FLNB: variants seen among roughly 807,000 people sequenced by gnomAD.
FLNB encodes filamin-B.
In FLNB, 111 loss-of-function variants were observed where a neutral mutation model predicts 250.6. That is an observed-to-expected ratio of 0.44 (90% CI 0.38 to 0.52). The LOEUF is 0.52. FLNB is among the 20% of genes least tolerant of loss of function. FLNB has a pLI of 0.00. For missense variants in FLNB, 2,869 were observed against 3,447.8 expected (o/e 0.83, Z 4.20); for synonymous variants, 1,302 against 1,372.1 (o/e 0.95, Z 1.13).
chr3:58,155,902 C>G (rs577189429), intron 40 of FLNB, 58 bp from the exon 41 acceptor site: 12 of 1,226,438 alleles, frequency 9.8e-6, no homozygotes, highest in Non-Finnish European at 1.4e-5. Context: ...TGGTGAGAAG[C>G]AAGAGTCCAC....
At chr3:58,015,249 A>ATT (rs1386104054) in intron 1 of FLNB, among the ~76,000 whole-genome samples, 1 of 152,208 alleles carries the variant, frequency 6.6e-6, no homozygotes, top group Admixed American at 6.5e-5. Context: ...TGCTGGGAGC[A>ATT]TTATATTTGA....
At chr3:58,034,433 C>T (rs1046469448) in intron 1 of FLNB, among the ~76,000 whole-genome samples, 6 of 148,388 alleles carry the variant, frequency 4.0e-5, no homozygotes, top group African/African-American at 7.5e-5. Flanking sequence ...TCGCCCTAGT[C>T]GCCCAGGCTG....
intron 22 of FLNB, among the ~76,000 whole-genome samples, 185 bp from the exon 23 acceptor site, chr3:58,125,396 G>A (rs1002552982): frequency 1.3e-5 from 2 of 152,188 alleles, no homozygotes; most frequent in African/African-American, 4.8e-5. Context: ...GCCTCCCAAA[G>A]TGCTGGGATT....
chr3:58,115,961 T>C (rs559917339), intron 18 of FLNB, among the ~76,000 whole-genome samples: 1 of 152,270 alleles, frequency 6.6e-6, no homozygotes, highest in African/African-American at 2.4e-5. Context: ...AAAGAACACA[T>C]TAAATCTCTC....
chr3:58,137,328 G>T (rs756702421), intron 28 of FLNB, among the ~76,000 whole-genome samples: 1 of 152,188 alleles, frequency 6.6e-6, no homozygotes, highest in Non-Finnish European at 1.5e-5. Flanking sequence ...CTATGCAGCT[G>T]CCAGCGACAA....
At chr3:58,135,055 G>C (rs2107221558) in intron 27 of FLNB, among the ~76,000 whole-genome samples, 1 of 152,190 alleles carries the variant, frequency 6.6e-6, no homozygotes, top group Admixed American at 6.5e-5. Flanking sequence ...GTTTCACCAT[G>C]TTGCCCAATC....
intron 1 of FLNB, among the ~76,000 whole-genome samples, chr3:58,046,514 G>C (rs1576630158): frequency 6.6e-6 from 1 of 150,896 alleles, no homozygotes; most frequent in East Asian, 2.0e-4. Flanking sequence ...CAGTGGTGCA[G>C]TCTTGGCTCA....
chr3:58,081,605 T>A (rs756022296), intron 3 of FLNB, 24 bp from the exon 4 acceptor site: 1 of 1,612,690 alleles, frequency 6.2e-7, no homozygotes. Context: ...TTCTGGGTGT[T>A]CATCCACCAT....
chr3:58,118,974 A>G lies in FLNB; in HGVS notation c.2848A>G (p.Asn950Asp). ...APLDLSKIKL[N>D]GLENRVEVGK... ...GCTGGATCTGAGCAAGATAAAACTC[A>G]ATGGGCTGGAAAACAGTAAGTGCCT... The change falls in exon 19 of 46, where the codon AAT becomes GAT. Residue 950 changes from asparagine (N) to aspartate (D), a missense_variant. Coordinates refer to ENST00000295956, the MANE Select transcript of FLNB (RefSeq NM_001457.4). 6.2e-7 allele frequency: 1 copy of G among 1,613,246 alleles called. No individual in the cohort carries two copies.
rs75063405 is a variant in FLNB, at chr3:58,129,607, G to A, written c.4223-1134G>A. On this transcript the variant is annotated intron_variant, in intron 24 of 45. Transcript: ENST00000295956. ...TCACGTAGCTAAAGACCTGGATGCC[G>A]TTGAAACCCAGCTGTTGTTAGAAAG... 6.7e-3 allele frequency among the ~76,000 whole-genome samples: 1,014 copies of A among 152,300 alleles called. 8 individuals are homozygous for A. Among genetic ancestry groups the A allele is most frequent in the African/African-American group, 0.023 (962 of 41,524 alleles).
chr3:58,107,692 A>T (rs899288527), intron 12 of FLNB, among the ~76,000 whole-genome samples: 6 of 152,090 alleles, frequency 3.9e-5, no homozygotes, highest in African/African-American at 1.4e-4. Flanking sequence ...GTCCTCTCAA[A>T]CCCTTAGCAG....
chr3:58,109,787 G>T, intron 15 of FLNB, 88 bp downstream of exon 15: 1 of 1,567,884 alleles, frequency 6.4e-7, no homozygotes, highest in Non-Finnish European at 8.8e-7. Context: ...TTTGAACTAG[G>T]AAGTAGTCCA....
intron 39 of FLNB, among the ~76,000 whole-genome samples, chr3:58,154,321 C>G (rs2097349983): frequency 6.6e-6 from 1 of 152,100 alleles, no homozygotes; most frequent in African/African-American, 2.4e-5. Context: ...GGCAGGCAGA[C>G]TGCCTGAGCT....
intron 22 of FLNB, among the ~76,000 whole-genome samples, chr3:58,125,314 G>A (rs1226032409): frequency 2.0e-5 from 3 of 151,924 alleles, no homozygotes; most frequent in Non-Finnish European, 4.4e-5. Context: ...TGTATTTTTT[G>A]TAGAGATGGG....
chr3:58,099,726 C>G (rs1388610358), intron 8 of FLNB, among the ~76,000 whole-genome samples: 1 of 152,178 alleles, frequency 6.6e-6, no homozygotes, highest in Non-Finnish European at 1.5e-5. Context: ...GGCCAGAGGC[C>G]TCTTGCTTGG....
intron 17 of FLNB, 69 bp downstream of exon 17, chr3:58,111,950 C>G: frequency 7.4e-7 from 1 of 1,355,254 alleles, no homozygotes; most frequent in Non-Finnish European, 1.1e-6. Context: ...GTTTCATCCA[C>G]GGCCTTGAGG....
intron 1 of FLNB, among the ~76,000 whole-genome samples, chr3:58,037,756 G>A (rs2097140130): frequency 3.9e-5 from 6 of 152,078 alleles, no homozygotes; most frequent in Admixed American, 3.9e-4. Flanking sequence ...CCAGGTGCCA[G>A]TATTATTTTG....
rs561520471 is a variant in FLNB at position 58,148,602 on chromosome 3, TC to T, written c.5888-45del. 178 of 1,517,152 alleles carry T rather than the reference TC, an allele frequency of 1.2e-4. 4 individuals are homozygous for T. The Middle Eastern group carries it at 1.4e-3, about 12-fold the overall frequency. 94.0% of individuals were successfully genotyped at this position (1,517,152 alleles called of 1,614,324 possible). On this transcript the variant is annotated intron_variant, in intron 35 of 45. Coordinates refer to ENST00000295956, the MANE Select transcript of FLNB (RefSeq NM_001457.4). ...TCTGAGAGTGTGTCTCTCTCCTGCT[TC>T]CTCTCCGCCATCCCCTTACAAGCCC...
At chr3:58,093,141 C>G (rs142179700) in intron 4 of FLNB, among the ~76,000 whole-genome samples, 330 of 152,294 alleles carry the variant, frequency 2.2e-3, no homozygotes, top group Middle Eastern at 6.8e-3. Flanking sequence ...TCACAGAACT[C>G]AGGGAAACAC....
Sources: allele counts gnomAD v4.1 joint callset (sites outside exome capture counted in the v4.1 genomes callset), GRCh38; gene constraint gnomAD v4.1.1; transcripts MANE v1.5; gene names NCBI Gene and HGNC (gene_info 2026-07-23, HGNC 2026-07-21).